PRKN: variants seen among roughly 807,000 people sequenced by gnomAD.
PRKN encodes the protein E3 ubiquitin-protein ligase parkin.
PRKN carries 56 observed loss-of-function variants against 59.5 expected under a neutral mutation model. That is an observed-to-expected ratio of 0.94 (90% CI 0.76 to 1.18). The LOEUF (loss-of-function observed/expected upper bound fraction) is 1.18, where lower values mean the gene tolerates loss of function less well. PRKN is among the 50% of genes most tolerant of loss of function. The pLI is 0.00. For missense variants in PRKN, 657 were observed against 596.4 expected (o/e 1.10, Z -1.06); for synonymous variants, 250 against 222.1 (o/e 1.13, Z -1.12).
At chr6:162,639,808 C>T (rs1777890823) in intron 1 of PRKN, among the ~76,000 whole-genome samples, 1 of 152,102 alleles carries the variant, frequency 6.6e-6, no homozygotes, top group Non-Finnish European at 1.5e-5. Flanking sequence ...CACATGGATG[C>T]AAGGCAACAA....
chr6:161,569,256 G>T (rs895531082), intron 8 of PRKN, 99 bp downstream of exon 8: 8 of 1,033,134 alleles, frequency 7.7e-6, no homozygotes, highest in South Asian at 1.3e-5. Flanking sequence ...GGGCACCCAG[G>T]GTCAGGAGAC....
intron 6 of PRKN, among the ~76,000 whole-genome samples, chr6:161,812,976 G>A (rs574829356): frequency 4.3e-4 from 66 of 152,180 alleles, no homozygotes; most frequent in Non-Finnish European, 4.7e-4. Flanking sequence ...ATAGTCAAAA[G>A]TGATGAAAGA....
intron 4 of PRKN, among the ~76,000 whole-genome samples, chr6:162,128,028 G>C (rs1781190070): frequency 6.6e-6 from 1 of 152,156 alleles, no homozygotes; most frequent in African/African-American, 2.4e-5. Context: ...CACATCCTCA[G>C]TGAGACTTCT....
At chr6:161,939,254 C>A (rs891338761) in intron 6 of PRKN, among the ~76,000 whole-genome samples, 1 of 151,180 alleles carries the variant, frequency 6.6e-6, no homozygotes, top group East Asian at 2.0e-4. Flanking sequence ...CCTGTCTCTA[C>A]TAAAAGTACA....
intron 1 of PRKN, among the ~76,000 whole-genome samples, chr6:162,449,041 C>T (rs544344285): frequency 1.3e-5 from 2 of 152,132 alleles, no homozygotes; most frequent in South Asian, 2.1e-4. Flanking sequence ...ATGCCCACCA[C>T]CACACCCAGC....
At chr6:161,679,681 C>CT (rs1341700839) in intron 7 of PRKN, among the ~76,000 whole-genome samples, 2 of 134,052 alleles carry the variant, frequency 1.5e-5, no homozygotes, top group Non-Finnish European at 3.2e-5. Context: ...ACCACCCCCC[C>CT]CCCTTTTTTT....
chr6:162,116,779 C>A (rs1780693868), intron 4 of PRKN, among the ~76,000 whole-genome samples: 1 of 152,140 alleles, frequency 6.6e-6, no homozygotes, highest in South Asian at 2.1e-4. Context: ...GCGTGAAAGT[C>A]ATTTAGAGGG....
chr6:161,712,415 C>T (rs1475500238), intron 7 of PRKN, among the ~76,000 whole-genome samples: 6 of 152,144 alleles, frequency 3.9e-5, no homozygotes, highest in Non-Finnish European at 7.4e-5. Context: ...GCTCTTAATA[C>T]TCCTCAAAGA....
chr6:162,258,027 G>A (rs1035922014), intron 3 of PRKN, among the ~76,000 whole-genome samples: 5 of 152,098 alleles, frequency 3.3e-5, no homozygotes, highest in East Asian at 1.9e-4. Flanking sequence ...TTTTCTGGGC[G>A]GGGGCCTGCC....
At chr6:162,091,304 A>C (rs537292822) in intron 4 of PRKN, among the ~76,000 whole-genome samples, 1 of 152,318 alleles carries the variant, frequency 6.6e-6, no homozygotes, top group South Asian at 2.1e-4. Flanking sequence ...ACAAAAAGAC[A>C]GAAATGAGCT....
At chr6:161,387,148 A>T (rs1489740558) in intron 9 of PRKN, among the ~76,000 whole-genome samples, 1 of 152,180 alleles carries the variant, frequency 6.6e-6, no homozygotes, top group Non-Finnish European at 1.5e-5. Context: ...TGGAAGACAC[A>T]GTGATATGGT....
intron 5 of PRKN, among the ~76,000 whole-genome samples, chr6:162,033,352 A>T (rs963445235): frequency 3.3e-5 from 5 of 152,214 alleles, no homozygotes; most frequent in Admixed American, 2.0e-4. Context: ...TTTATTTGCT[A>T]AATGTGTTAA....
intron 1 of PRKN, among the ~76,000 whole-genome samples, chr6:162,671,897 G>C (rs2849541): frequency 0.63 from 95,247 of 151,832 alleles, 30,634 homozygotes; most frequent in African/African-American, 0.75. Flanking sequence ...AGGTAGGTTG[G>C]ATGAGGGACA....
chr6:162,274,311 C>A (rs576454009), intron 2 of PRKN, among the ~76,000 whole-genome samples: 1 of 151,966 alleles, frequency 6.6e-6, no homozygotes, highest in African/African-American at 2.4e-5. Context: ...CTCAGCCTCC[C>A]CAGTAGCTGG....
intron 9 of PRKN, among the ~76,000 whole-genome samples, chr6:161,469,603 T>C (rs1179108088): frequency 6.7e-6 from 1 of 150,306 alleles, no homozygotes; most frequent in Non-Finnish European, 1.5e-5. Flanking sequence ...GAGAGAGAGA[T>C]TGAAACCTGA....
intron 7 of PRKN, among the ~76,000 whole-genome samples, chr6:161,750,124 C>T (rs1478051803): frequency 9.8e-5 from 12 of 122,674 alleles, no homozygotes; most frequent in South Asian, 3.0e-4. Context: ...TATATACACA[C>T]ACACACACAC....
At chr6:162,407,357 C>T (rs1788122961) in intron 2 of PRKN, among the ~76,000 whole-genome samples, 2 of 152,166 alleles carry the variant, frequency 1.3e-5, no homozygotes, top group African/African-American at 4.8e-5. Flanking sequence ...TAACGTTGTA[C>T]AAAGAGGCTT....
intron 1 of PRKN, among the ~76,000 whole-genome samples, chr6:162,641,336 G>T (rs1450957720): frequency 6.6e-6 from 1 of 151,842 alleles, no homozygotes; most frequent in African/African-American, 2.4e-5. Flanking sequence ...AGATGTAAAA[G>T]ACATTTTACA....
At chr6:162,499,597 C>CT (rs1793268798) in intron 1 of PRKN, among the ~76,000 whole-genome samples, 1 of 152,100 alleles carries the variant, frequency 6.6e-6, no homozygotes, top group Non-Finnish European at 1.5e-5. Context: ...TTCAGGAGAC[C>CT]CGGACACTGT....
Sources: allele counts gnomAD v4.1 joint callset (sites outside exome capture counted in the v4.1 genomes callset), GRCh38; gene constraint gnomAD v4.1.1; transcripts MANE v1.5; gene names NCBI Gene and HGNC (gene_info 2026-07-23, HGNC 2026-07-21).